Variants in DPYD observed in about 807,000 individuals in gnomAD.
DPYD encodes the protein dihydropyrimidine dehydrogenase [NADP(+)].
A neutral mutation model predicts 116.2 loss-of-function variants in DPYD; 109 were observed. That is an observed-to-expected ratio of 0.94 (90% CI 0.80 to 1.10). The LOEUF (loss-of-function observed/expected upper bound fraction) is 1.10, where lower values mean the gene tolerates loss of function less well. Ranked by LOEUF, DPYD falls within the 50% of genes least tolerant of loss-of-function variation. The pLI is 0.00. For missense variants in DPYD, 1,302 were observed against 1,254.5 expected (o/e 1.04, Z -0.57); for synonymous variants, 440 against 432.0 (o/e 1.02, Z -0.23).
chr1:97,380,341 C>A (rs983699492), intron 15 of DPYD, among the ~76,000 whole-genome samples: 2 of 152,072 alleles, frequency 1.3e-5, no homozygotes, highest in Non-Finnish European at 2.9e-5. Context: ...TGATCAGGTA[C>A]CTGGATCAAG....
intron 4 of DPYD, among the ~76,000 whole-genome samples, chr1:97,732,008 G>C (rs1663642812): frequency 6.6e-6 from 1 of 152,060 alleles, no homozygotes; most frequent in South Asian, 2.1e-4. Flanking sequence ...ACTGGCTTAA[G>C]ATGTATAATA....
At chr1:97,154,495 G>A (rs747989510) in intron 20 of DPYD, among the ~76,000 whole-genome samples, 2 of 152,044 alleles carry the variant, frequency 1.3e-5, no homozygotes, top group African/African-American at 4.8e-5. Context: ...AGTGGCTCAC[G>A]ACTGTAATCC....
At chr1:97,195,499 C>T (rs1658689986) in intron 19 of DPYD, among the ~76,000 whole-genome samples, 1 of 117,554 alleles carries the variant, frequency 8.5e-6, no homozygotes, top group Non-Finnish European at 1.7e-5. Context: ...TAGGAGGTTC[C>T]AGAATGGGGA....
At chr1:97,383,841 C>T (rs1672139013) in intron 14 of DPYD, among the ~76,000 whole-genome samples, 1 of 152,174 alleles carries the variant, frequency 6.6e-6, no homozygotes, top group Non-Finnish European at 1.5e-5. Flanking sequence ...GGTGCAGTAG[C>T]TCACGCCTGT....
chr1:97,120,160 G>A (rs1652312734), intron 20 of DPYD, among the ~76,000 whole-genome samples: 1 of 152,112 alleles, frequency 6.6e-6, no homozygotes, highest in Admixed American at 6.6e-5. Flanking sequence ...TTTTGTTAAT[G>A]CCCTTTCTTC....
chr1:97,702,257 G>A (rs866646094), intron 5 of DPYD, among the ~76,000 whole-genome samples: 124 of 151,058 alleles, frequency 8.2e-4, no homozygotes, highest in African/African-American at 2.5e-3. Flanking sequence ...TTAAAATATA[G>A]TTAAAATATA....
At chr1:97,401,900 G>C (rs1673399197) in intron 14 of DPYD, among the ~76,000 whole-genome samples, 1 of 152,106 alleles carries the variant, frequency 6.6e-6, no homozygotes, top group African/African-American at 2.4e-5. Flanking sequence ...CTCCACTGAA[G>C]TGTCTTACTG....
chr1:97,491,893 TA>T (rs1553183616), intron 13 of DPYD, among the ~76,000 whole-genome samples: 2 of 152,034 alleles, frequency 1.3e-5, no homozygotes, highest in Non-Finnish European at 2.9e-5. Context: ...ACTTCCGGGG[TA>T]GCACTGCCTT....
chr1:97,158,263 C>T (rs1655631282), intron 20 of DPYD, among the ~76,000 whole-genome samples: 2 of 151,908 alleles, frequency 1.3e-5, no homozygotes, highest in Non-Finnish European at 2.9e-5. Flanking sequence ...GATGGCAGTA[C>T]ACAGGATGGG....
intron 1 of DPYD, among the ~76,000 whole-genome samples, chr1:97,889,366 T>C (rs1478351055): frequency 1.3e-5 from 2 of 152,028 alleles, no homozygotes; most frequent in Middle Eastern, 6.3e-3. Context: ...ATGTTCTGTC[T>C]TTAGGAGACA....
chr1:97,323,337 TATATATAC>T (rs1668443081), intron 16 of DPYD, among the ~76,000 whole-genome samples: 6 of 106,714 alleles, frequency 5.6e-5, no homozygotes, highest in South Asian at 3.9e-4. Flanking sequence ...TATGTACACG[TATATATAC>T]ATGTGTATAT....
At chr1:97,459,326 T>C (rs1027350493) in intron 13 of DPYD, among the ~76,000 whole-genome samples, 2 of 152,108 alleles carry the variant, frequency 1.3e-5, no homozygotes, top group African/African-American at 2.4e-5. Flanking sequence ...AAAAATCAAA[T>C]TGCAGTTCAC....
intron 20 of DPYD, among the ~76,000 whole-genome samples, chr1:97,181,205 T>G (rs1350833329): frequency 6.6e-6 from 1 of 152,130 alleles, no homozygotes; most frequent in South Asian, 2.1e-4. Flanking sequence ...TGATTAGAGT[T>G]GCCTTGTAAA....
At chr1:97,276,775 A>T (rs1360448019) in intron 18 of DPYD, among the ~76,000 whole-genome samples, 1 of 152,166 alleles carries the variant, frequency 6.6e-6, no homozygotes, top group Non-Finnish European at 1.5e-5. Context: ...AAATTAGTTC[A>T]GCCACTGTGG....
intron 14 of DPYD, among the ~76,000 whole-genome samples, chr1:97,425,500 T>G (rs1250934999): frequency 6.6e-6 from 1 of 151,794 alleles, no homozygotes; most frequent in Admixed American, 6.6e-5. Context: ...TTTCCTGTTA[T>G]GACTATAACT....
chr1:97,522,415 C>T (rs1648747031), intron 12 of DPYD, among the ~76,000 whole-genome samples: 1 of 152,028 alleles, frequency 6.6e-6, no homozygotes, highest in African/African-American at 2.4e-5. Context: ...ATTATTATCT[C>T]CATTGCAATT....
chr1:97,428,332 G>A lies in DPYD; in HGVS notation c.1905+21727C>T, dbSNP rs145781347. ...AACATCAACAATCCCACAAATTACAGATTTCCTAATACATAAGTCAGTTTT... is the reference window on the plus strand; with the variant it reads ...AACATCAACAATCCCACAAATTACAAATTTCCTAATACATAAGTCAGTTTT... On this transcript the variant is annotated intron_variant, in intron 14 of 22. Coordinates refer to ENST00000370192, the MANE Select transcript of DPYD (RefSeq NM_000110.4). Among the ~76,000 whole-genome samples, 66 of 152,184 alleles carry A rather than the reference G, an allele frequency of 4.3e-4. 1 individual carries two copies. Among genetic ancestry groups the A allele is most frequent in the Admixed American group, 3.0e-3 (46 of 15,268 alleles).
Position 97,305,294 on chromosome 1 carries a change from C to A in DPYD, c.2264G>T (p.Gly755Val), listed in dbSNP as rs765001324. Residue 755 changes from glycine to valine, a missense_variant, in exon 18 of 23, where the codon GGG becomes GTG. Gly to Val is a moderately radical substitution (Grantham distance 109, BLOSUM62 -3). Coordinates refer to ENST00000370192, the MANE Select transcript of DPYD (RefSeq NM_000110.4). ...KSDGTPWPAV[G>V]IAKRTTYGGV... ...TCCATATGTAGTTCGCTTTGCAATC[C>A]CCACTGCTGGCCAAGGTGTGCCATC... 6.2e-7 allele frequency: 1 copy of A among 1,612,296 alleles called. No individual in the cohort carries two copies. The highest frequency in any genetic ancestry group is 1.3e-5 in the African/African-American group (1 of 74,768).
chr1:97,173,485 T>C (rs1012265877), intron 20 of DPYD, among the ~76,000 whole-genome samples: 1 of 150,766 alleles, frequency 6.6e-6, no homozygotes, highest in Non-Finnish European at 1.5e-5. Flanking sequence ...TGTGTATATA[T>C]ATACACGCAT....
Sources: gnomAD v4.1 joint callset for allele counts (sites outside exome capture counted in the v4.1 genomes callset) on GRCh38, gnomAD v4.1.1 for gene constraint, MANE v1.5 for transcripts, NCBI Gene and HGNC (gene_info 2026-07-23, HGNC 2026-07-21) for gene names.